HDAC9: variants seen among roughly 807,000 people sequenced by gnomAD.
HDAC9 encodes the protein MEF-2 interacting transcription repressor (MITR) protein.
Under a neutral mutation model 139.4 loss-of-function variants are expected in HDAC9, and 41 were observed. The ratio of observed to expected loss-of-function variants is 0.29; its 90% CI spans 0.23 to 0.38. The LOEUF (loss-of-function observed/expected upper bound fraction) is 0.38. Ranked by LOEUF, HDAC9 falls within the 10% of genes least tolerant of loss-of-function variation. The probability of loss-of-function intolerance (pLI) is 1.00; values close to 1 mark genes in which losing one functional copy is unlikely to be tolerated. For missense variants in HDAC9, 1,147 were observed against 1,297.0 expected (o/e 0.88, Z 1.78); for synonymous variants, 517 against 476.2 (o/e 1.09, Z -1.12).
intron 2 of HDAC9, among the ~76,000 whole-genome samples, chr7:18,173,566 GGC>G (rs1351439758): frequency 1.3e-5 from 2 of 152,160 alleles, no homozygotes; most frequent in African/African-American, 4.8e-5. Context: ...TTTACAATTT[GGC>G]ATGTTTTTGC....
chr7:18,572,891 G>A (rs1042158704), intron 2 of HDAC9, among the ~76,000 whole-genome samples: 1 of 152,304 alleles, frequency 6.6e-6, no homozygotes, highest in Middle Eastern at 3.4e-3. Context: ...TTACAGATTA[G>A]TTAGCAGTTC....
intron 6 of HDAC9, among the ~76,000 whole-genome samples, chr7:18,625,988 A>C (rs1584303553): frequency 1.3e-5 from 2 of 149,418 alleles, no homozygotes; most frequent in East Asian, 2.0e-4. Context: ...ATGTAGGACT[A>C]TATTAATCAG....
intron 24 of HDAC9, among the ~76,000 whole-genome samples, chr7:18,967,513 A>G (rs1446225807): frequency 1.4e-5 from 2 of 141,342 alleles, no homozygotes; most frequent in Non-Finnish European, 3.1e-5. Flanking sequence ...CCCCAAAAAA[A>G]AAAAAGCAGG....
chr7:18,786,587 TTCCTTCCTTCCTTCCTTCCTTC>T lies in HDAC9; in HGVS notation c.2215-6757_2215-6736del, dbSNP rs1160000431. Among the ~76,000 whole-genome samples, 37 of 63,600 alleles carry T rather than the reference TTCCTTCCTTCCTTCCTTCCTTC, an allele frequency of 5.8e-4. 4 individuals carry two copies. Among genetic ancestry groups the T allele is most frequent in the African/African-American group, 2.3e-3 (36 of 15,622 alleles). 41.7% of individuals were successfully genotyped at this position (63,600 alleles called of 152,430 possible). ...CACCTCTTGGGTATGGCTGGCTGGC[TTCCTTCCTTCCTTCCTTCCTTC>T]CTTCCTTCCCTCCCTCCCTCCTTCC... On this transcript the variant is annotated intron_variant, in intron 16 of 25. Transcript: ENST00000686413.
chr7:18,377,376 G>T (rs1453387216), intron 1 of HDAC9, among the ~76,000 whole-genome samples: 1 of 152,062 alleles, frequency 6.6e-6, no homozygotes, highest in African/African-American at 2.4e-5. Context: ...TTTTCTAGAG[G>T]TTTCCTTTAA....
In HDAC9 at chr7:18,652,399, G is replaced by C. The variant is rs547961488; in HGVS notation, c.1467+3716G>C. ...ATATTACCACAGGATTTTTTTTCTG[G>C]TGAAATAAAACTGTAATTGATTAAA... On this transcript the variant is annotated intron_variant, in intron 11 of 25. Coordinates refer to ENST00000686413, the MANE Select transcript of HDAC9 (RefSeq NM_178425.4). 1.2e-3 allele frequency among the ~76,000 whole-genome samples: 185 copies of C among 152,002 alleles called. 1 individual carries two copies. Among genetic ancestry groups the C allele is most frequent in the African/African-American group, 4.4e-3 (182 of 41,492 alleles).
intron 15 of HDAC9, among the ~76,000 whole-genome samples, chr7:18,765,907 C>A (rs1004875051): frequency 1.3e-5 from 2 of 151,990 alleles, no homozygotes; most frequent in Non-Finnish European, 2.9e-5. Flanking sequence ...AAATGAAGAT[C>A]TCTCTTTATA....
chr7:18,926,618 G>A (rs1978191), intron 22 of HDAC9, among the ~76,000 whole-genome samples: 120,058 of 152,090 alleles, frequency 0.79, 47,878 homozygotes, highest in Non-Finnish European at 0.85. Flanking sequence ...TAGTTGGATC[G>A]TAGATGGATG....
At chr7:18,637,456 G>A (rs1584440092) in intron 8 of HDAC9, among the ~76,000 whole-genome samples, 1 of 151,994 alleles carries the variant, frequency 6.6e-6, no homozygotes. Flanking sequence ...TAGCTTTTCA[G>A]CTAATTGTTG....
intron 2 of HDAC9, among the ~76,000 whole-genome samples, chr7:18,530,222 C>T (rs1019741509): frequency 2.6e-5 from 4 of 152,088 alleles, no homozygotes; most frequent in South Asian, 2.1e-4. Context: ...ATGATCATGC[C>T]ACTCCTGTTC....
At chr7:18,209,103 C>T (rs572831135) in intron 2 of HDAC9, among the ~76,000 whole-genome samples, 2 of 152,196 alleles carry the variant, frequency 1.3e-5, no homozygotes, top group African/African-American at 2.4e-5. Flanking sequence ...GGTCTGTAAT[C>T]TCCATAAACC....
intron 13 of HDAC9, among the ~76,000 whole-genome samples, chr7:18,742,121 T>G (rs1787515559): frequency 6.6e-6 from 1 of 152,220 alleles, no homozygotes; most frequent in South Asian, 2.1e-4. Context: ...GCAGCAGAGT[T>G]TGACAGGATT....
intron 1 of HDAC9, among the ~76,000 whole-genome samples, chr7:18,346,165 T>C (rs1782406134): frequency 6.6e-6 from 1 of 152,132 alleles, no homozygotes; most frequent in African/African-American, 2.4e-5. Flanking sequence ...GAAGAAAGTT[T>C]CTTTCTCCTT....
intron 2 of HDAC9, among the ~76,000 whole-genome samples, chr7:18,204,071 C>G (rs78769087): frequency 4.0e-4 from 61 of 152,062 alleles, no homozygotes; most frequent in Non-Finnish European, 7.2e-4. Flanking sequence ...TATCAATGGG[C>G]TACTATTGGT....
intron 1 of HDAC9, among the ~76,000 whole-genome samples, chr7:18,389,630 G>A (rs1240774360): frequency 6.6e-6 from 1 of 152,168 alleles, no homozygotes; most frequent in Non-Finnish European, 1.5e-5. Context: ...AACATTAGTG[G>A]CTGGCTTGTG....
intron 1 of HDAC9, among the ~76,000 whole-genome samples, chr7:18,387,623 C>T (rs1786061813): frequency 6.6e-6 from 1 of 152,186 alleles, no homozygotes; most frequent in South Asian, 2.1e-4. Context: ...CTAGCCAAGC[C>T]AGTGGTATAG....
At chr7:18,613,066 CTGAA>C (rs1462032515) in intron 6 of HDAC9, among the ~76,000 whole-genome samples, 6 of 147,088 alleles carry the variant, frequency 4.1e-5, no homozygotes, top group South Asian at 2.1e-4. Context: ...TTATAATAGA[CTGAA>C]TAATAGATAT....
intron 1 of HDAC9, among the ~76,000 whole-genome samples, chr7:18,106,459 CTT>C (rs1288928269): frequency 6.8e-6 from 1 of 146,462 alleles, no homozygotes; most frequent in African/African-American, 2.5e-5. Context: ...GCACACATTT[CTT>C]TTTTTTTTTG....
chr7:18,623,219 A>C (rs1335168050), intron 6 of HDAC9, among the ~76,000 whole-genome samples: 1 of 152,168 alleles, frequency 6.6e-6, no homozygotes, highest in Admixed American at 6.5e-5. Flanking sequence ...ATGATGATCT[A>C]GTTAAGACTT....
Sources: allele counts gnomAD v4.1 joint callset (sites outside exome capture counted in the v4.1 genomes callset), GRCh38; gene constraint gnomAD v4.1.1; transcripts MANE v1.5; gene names NCBI Gene and HGNC (gene_info 2026-07-23, HGNC 2026-07-21).